PKN2: variants seen among roughly 807,000 people sequenced by gnomAD.
PKN2 encodes protein kinase N2.
A neutral mutation model predicts 119.1 loss-of-function variants in PKN2; 38 were observed. The ratio of observed to expected loss-of-function variants is 0.32; its 90% CI spans 0.25 to 0.42. The LOEUF (loss-of-function observed/expected upper bound fraction) is 0.42. Ranked by LOEUF, PKN2 falls within the 10% of genes least tolerant of loss-of-function variation. The probability of loss-of-function intolerance (pLI) is 1.00; values close to 1 mark genes in which losing one functional copy is unlikely to be tolerated. For missense variants in PKN2, 850 were observed against 1,165.1 expected, an observed-to-expected ratio of 0.73 and a Z score of 3.94; for synonymous variants, 390 against 384.9, an observed-to-expected ratio of 1.01 and a Z score of -0.15.
intron 8 of PKN2, among the ~76,000 whole-genome samples, chr1:88,792,797 A>G (rs1670900325): frequency 6.6e-6 from 1 of 152,204 alleles, no homozygotes; most frequent in African/African-American, 2.4e-5. Context: ...TAGGATACAT[A>G]TCAAGCAGTT....
chr1:88,784,591 A>G (rs1670492040), intron 6 of PKN2, 48 bp from the exon 7 acceptor site: 6 of 1,170,508 alleles, frequency 5.1e-6, no homozygotes, highest in African/African-American at 1.6e-5. Context: ...TAAGGATTCC[A>G]TAGATTAAGG....
At chr1:88,776,032 T>C (rs1311815670) in intron 6 of PKN2, among the ~76,000 whole-genome samples, 3 of 145,392 alleles carry the variant, frequency 2.1e-5, no homozygotes, top group Admixed American at 7.0e-5. Flanking sequence ...GGCGTGAACC[T>C]GGGAGGCGGA....
At chr1:88,748,984 T>G (rs1668881037) in intron 2 of PKN2, among the ~76,000 whole-genome samples, 1 of 152,134 alleles carries the variant, frequency 6.6e-6, no homozygotes, top group Non-Finnish European at 1.5e-5. Flanking sequence ...TATTTTTCAT[T>G]CCCACTATCA....
chr1:88,753,600 G>A (rs1669086521), intron 2 of PKN2, among the ~76,000 whole-genome samples: 1 of 151,908 alleles, frequency 6.6e-6, no homozygotes, highest in Admixed American at 6.6e-5. Context: ...TTGGCTTCTG[G>A]GGAGGCCTCA....
chr1:88,735,620 C>T (rs1040128398), intron 1 of PKN2, among the ~76,000 whole-genome samples: 2 of 84,848 alleles, frequency 2.4e-5, no homozygotes, highest in African/African-American at 4.0e-5. Context: ...CCCCCCCACC[C>T]CCAATCTTTT....
At chr1:88,778,293 A>G (rs1447828087) in intron 6 of PKN2, among the ~76,000 whole-genome samples, 1 of 152,234 alleles carries the variant, frequency 6.6e-6, no homozygotes, top group African/African-American at 2.4e-5. Context: ...GGTTTACTAT[A>G]TAGTCATCTG....
At chr1:88,765,568 TACC>T (rs1669636177) in intron 3 of PKN2, among the ~76,000 whole-genome samples, 1 of 152,242 alleles carries the variant, frequency 6.6e-6, no homozygotes, top group South Asian at 2.1e-4. Flanking sequence ...GCATGTGTGA[TACC>T]ACCACGACAA....
chr1:88,716,813 A>C (rs1667476329), intron 1 of PKN2, among the ~76,000 whole-genome samples: 2 of 152,092 alleles, frequency 1.3e-5, no homozygotes, highest in African/African-American at 4.8e-5. Context: ...TAATATTGTT[A>C]TGTGTGAATT....
chr1:88,729,882 T>C (rs1032778969), intron 1 of PKN2, among the ~76,000 whole-genome samples: 1 of 152,042 alleles, frequency 6.6e-6, no homozygotes, highest in Non-Finnish European at 1.5e-5. Context: ...AACCCTGCCC[T>C]GAGTTTCCAT....
Position 88,806,435 on chromosome 1 carries a change from G to A in PKN2, c.1803+418G>A, listed in dbSNP as rs150928116. Among the ~76,000 whole-genome samples the A allele has an allele frequency of 2.6e-3, 395 of 152,224 alleles. 3 individuals are homozygous for A. The highest frequency in any genetic ancestry group is 8.9e-3 in the African/African-American group (369 of 41,548). On this transcript the variant is annotated intron_variant, in intron 12 of 21. Transcript: ENST00000370521. Reference sequence around the variant, plus strand: ...TCAGCCCGCCTCGGCCTTCCAAAGTGCTGGGATTACAGGCATGAGCCACTG... The same window carrying A: ...TCAGCCCGCCTCGGCCTTCCAAAGTACTGGGATTACAGGCATGAGCCACTG...
rs1672851176 is a variant in PKN2, at chr1:88,834,225, T to C, written c.*777T>C. On this transcript the variant is annotated 3_prime_UTR_variant, in exon 22 of 22. Coordinates refer to ENST00000370521, the MANE Select transcript of PKN2 (RefSeq NM_006256.4). ...CCGAACCAAGATATTGTTACCTGTA[T>C]GCATTCCCAAAGTCTAGATGCTCAG... 1 of 152,090 alleles carries C rather than the reference T, an allele frequency of 6.6e-6. No homozygotes were observed. The highest frequency in any genetic ancestry group is 1.5e-5 in the Non-Finnish European group (1 of 67,964). The allele number at this position is 152,090 out of a possible 1,614,324, so 9.4% of individuals were successfully genotyped here.
At chr1:88,786,394 A>G (rs1189764043) in intron 8 of PKN2, among the ~76,000 whole-genome samples, 181 bp downstream of exon 8, 1 of 152,190 alleles carries the variant, frequency 6.6e-6, no homozygotes, top group Non-Finnish European at 1.5e-5. Flanking sequence ...AGAGATGAAT[A>G]TCAGATTGCT....
At chr1:88,735,104 T>G (rs191243247) in intron 1 of PKN2, among the ~76,000 whole-genome samples, 1 of 152,328 alleles carries the variant, frequency 6.6e-6, no homozygotes, top group Admixed American at 6.5e-5. Context: ...TAAGATGTTT[T>G]CTTGTTACAC....
Position 88,719,716 on chromosome 1 carries a change from G to A in PKN2, c.49-21272G>A, listed in dbSNP as rs79949391. On this transcript the variant is annotated intron_variant, in intron 1 of 21. Coordinates refer to ENST00000370521, the MANE Select transcript of PKN2 (RefSeq NM_006256.4). Reference sequence around the variant, plus strand: ...GTGATAGATCTATTCTAAATTAATCGTATACATAAAACAATTTAGTTTCAT... The same window carrying A: ...GTGATAGATCTATTCTAAATTAATCATATACATAAAACAATTTAGTTTCAT... Among the ~76,000 whole-genome samples the A allele has an allele frequency of 4.4e-3, 675 of 152,026 alleles. 12 individuals are homozygous for A. The East Asian group carries it at 0.049, about 11-fold the overall frequency.
chr1:88,789,352 A>G (rs1022057827), intron 8 of PKN2, among the ~76,000 whole-genome samples: 1 of 152,144 alleles, frequency 6.6e-6, no homozygotes, highest in Non-Finnish European at 1.5e-5. Context: ...ACGGCAAGGT[A>G]AGGCAAGTCA....
intron 1 of PKN2, among the ~76,000 whole-genome samples, chr1:88,717,289 C>T (rs888641146): frequency 2.6e-5 from 4 of 152,170 alleles, no homozygotes; most frequent in African/African-American, 7.2e-5. Context: ...TTGCTCTTCT[C>T]GAGGAGTATC....
At chr1:88,784,085 T>C (rs1447601574) in intron 6 of PKN2, among the ~76,000 whole-genome samples, 1 of 152,008 alleles carries the variant, frequency 6.6e-6, no homozygotes, top group Admixed American at 6.6e-5. Flanking sequence ...ATGTAACTTG[T>C]TTTCTTTTAT....
chr1:88,697,384 CT>C (rs1369219554), intron 1 of PKN2, among the ~76,000 whole-genome samples: 2 of 152,192 alleles, frequency 1.3e-5, no homozygotes, highest in Non-Finnish European at 2.9e-5. Flanking sequence ...TATTCTTCCC[CT>C]GGCTGCTAGA....
In PKN2 at chr1:88,835,070, A is replaced by T. The variant is rs1336796212; in HGVS notation, c.*1622A>T. 3 of 152,414 alleles carry T rather than the reference A, an allele frequency of 2.0e-5. No homozygotes were observed. Among genetic ancestry groups the T allele is most frequent in the African/African-American group, 7.2e-5 (3 of 41,446 alleles). The allele number at this position is 152,414 out of a possible 1,614,324, so 9.4% of individuals were successfully genotyped here. A position where few individuals can be genotyped will look rare whatever the true frequency, so the allele number is the denominator to read the frequency against. ...ATTTATGGAGAGTTGAGCTAAAAAC[A>T]TTTATAAATATTTGCTGGGATGTTT... On this transcript the variant is annotated 3_prime_UTR_variant, in exon 22 of 22. Transcript: ENST00000370521.
Sources: gnomAD v4.1 joint callset for allele counts (sites outside exome capture counted in the v4.1 genomes callset) on GRCh38, gnomAD v4.1.1 for gene constraint, MANE v1.5 for transcripts, NCBI Gene and HGNC (gene_info 2026-07-23, HGNC 2026-07-21) for gene names.